Variants in CADPS observed in about 807,000 individuals in gnomAD.
The protein encoded by CADPS is calcium dependent secretion activator, also known as calcium-dependent secretion activator 1.
Under a neutral mutation model 167.3 loss-of-function variants are expected in CADPS, and 57 were observed. The ratio of observed to expected loss-of-function variants is 0.34; its 90% CI spans 0.28 to 0.42. CADPS has a LOEUF of 0.42. Ranked by LOEUF, CADPS falls within the 20% of genes least tolerant of loss-of-function variation. The pLI is 1.00. For missense variants in CADPS, 1,414 were observed against 1,738.1 expected (o/e 0.81, Z 3.32); for synonymous variants, 676 against 635.3 (o/e 1.06, Z -0.96).
At chr3:62,622,188 G>T (rs1180067274) in intron 6 of CADPS, among the ~76,000 whole-genome samples, 1 of 152,136 alleles carries the variant, frequency 6.6e-6, no homozygotes, top group Non-Finnish European at 1.5e-5. Context: ...TGTATGCTGA[G>T]TGGGCCCTCC....
At chr3:62,422,992 A>C (rs1163870582) in intron 28 of CADPS, among the ~76,000 whole-genome samples, 1 of 152,204 alleles carries the variant, frequency 6.6e-6, no homozygotes, top group Admixed American at 6.5e-5. Flanking sequence ...TAAACCACAA[A>C]ACTTTATTCT....
intron 8 of CADPS, among the ~76,000 whole-genome samples, chr3:62,575,988 G>T (rs190559877): frequency 6.6e-6 from 1 of 152,308 alleles, no homozygotes; most frequent in Admixed American, 6.5e-5. Context: ...TGTCTAGTCA[G>T]CTCCGGCTCT....
chr3:62,564,057 A>G (rs1357769477), intron 9 of CADPS, among the ~76,000 whole-genome samples: 7 of 152,070 alleles, frequency 4.6e-5, no homozygotes, highest in Non-Finnish European at 8.8e-5. Context: ...GCTGGAGTGC[A>G]GTGGCATGAT....
intron 6 of CADPS, among the ~76,000 whole-genome samples, chr3:62,605,754 T>A (rs191398870): frequency 6.6e-6 from 1 of 152,332 alleles, no homozygotes; most frequent in Non-Finnish European, 1.5e-5. Context: ...AGGAAATACG[T>A]CCTAGCCTGA....
intron 28 of CADPS, among the ~76,000 whole-genome samples, chr3:62,417,338 G>A (rs531452237): frequency 8.0e-6 from 1 of 125,544 alleles, no homozygotes; most frequent in African/African-American, 3.1e-5. Context: ...AGGGTGGAGT[G>A]CAGTGGTGCA....
intron 1 of CADPS, among the ~76,000 whole-genome samples, chr3:62,803,467 T>C (rs1049697474): frequency 6.6e-6 from 1 of 152,064 alleles, no homozygotes; most frequent in African/African-American, 2.4e-5. Context: ...GGGAGACTGC[T>C]ACTGGCATCT....
chr3:62,796,294 G>A (rs1265760675), intron 1 of CADPS: 2 of 152,190 alleles, frequency 1.3e-5, no homozygotes, highest in Non-Finnish European at 2.9e-5. Flanking sequence ...CCACATTGAT[G>A]CTGGATTCAG....
At chr3:62,784,868 G>A (rs1160869922) in intron 1 of CADPS, among the ~76,000 whole-genome samples, 3 of 152,094 alleles carry the variant, frequency 2.0e-5, no homozygotes, top group African/African-American at 7.2e-5. Context: ...ATTTGAATGA[G>A]TGAACTAGAA....
At chr3:62,400,494 T>C (rs1391519953) in intron 29 of CADPS, among the ~76,000 whole-genome samples, 1 of 152,104 alleles carries the variant, frequency 6.6e-6, no homozygotes, top group Non-Finnish European at 1.5e-5. Context: ...CAGCTACTGA[T>C]TCTGCTGTTT....
intron 18 of CADPS, 77 bp downstream of exon 18, chr3:62,499,085 A>G: frequency 1.2e-6 from 1 of 839,984 alleles, no homozygotes; most frequent in Non-Finnish European, 2.0e-6. Flanking sequence ...CATCTTATTC[A>G]CAATCTGGCT....
intron 1 of CADPS, among the ~76,000 whole-genome samples, chr3:62,800,222 G>T (rs902471169): frequency 6.6e-6 from 1 of 152,094 alleles, no homozygotes; most frequent in African/African-American, 2.4e-5. Context: ...TCATCTGCCA[G>T]CATTTAGGAA....
At chr3:62,406,784 A>G (rs1225168075) in intron 28 of CADPS, among the ~76,000 whole-genome samples, 5 of 152,222 alleles carry the variant, frequency 3.3e-5, no homozygotes, top group Admixed American at 3.3e-4. Flanking sequence ...CCCATCATAG[A>G]CAACAGGGCC....
In CADPS at chr3:62,601,157, A is replaced by T. The variant is rs2059908181; in HGVS notation, c.1326-8409T>A. Among the ~76,000 whole-genome samples, 1 of 152,234 alleles carries T rather than the reference A, an allele frequency of 6.6e-6. No individual in the cohort carries two copies. Among genetic ancestry groups the T allele is most frequent in the Non-Finnish European group, 1.5e-5 (1 of 68,048 alleles). On this transcript the variant is annotated intron_variant, in intron 6 of 29. Transcript: ENST00000383710. This position sits in a 1 kb window ranked among gnomAD's most constrained non-coding sequence, Gnocchi z 4.3. ...CTGCTTATGTATGGCTCATAAGCTA[A>T]TAAGGGCTTTGTATTTTCAAATGGC...
intron 3 of CADPS, among the ~76,000 whole-genome samples, chr3:62,666,551 G>A (rs2074442610): frequency 6.6e-6 from 1 of 152,126 alleles, no homozygotes; most frequent in Admixed American, 6.5e-5. Context: ...GTTCAAAAAT[G>A]TACATGCGCA....
intron 3 of CADPS, among the ~76,000 whole-genome samples, chr3:62,675,649 A>G (rs1455156604): frequency 6.6e-6 from 1 of 152,132 alleles, no homozygotes; most frequent in Non-Finnish European, 1.5e-5. Flanking sequence ...GGAAGTTCAA[A>G]TTAAGATGGC....
chr3:62,402,933 CA>C, intron 29 of CADPS, 147 bp downstream of exon 29: 1 of 498,834 alleles, frequency 2.0e-6, no homozygotes, highest in Admixed American at 3.7e-5. Flanking sequence ...TATCATGCAT[CA>C]CAAAACAATT....
intron 1 of CADPS, among the ~76,000 whole-genome samples, chr3:62,831,115 G>A (rs1275603714): frequency 6.6e-6 from 1 of 152,058 alleles, no homozygotes; most frequent in Non-Finnish European, 1.5e-5. Flanking sequence ...TTAAAGTCCT[G>A]GGAAGTCTTA....
rs187674612 is a variant in CADPS, at chr3:62,588,973, C to A, written c.1438-3649G>T. 4.3e-4 allele frequency among the ~76,000 whole-genome samples: 65 copies of A among 152,190 alleles called. 1 individual carries two copies. In the East Asian group the frequency reaches 7.4e-3, roughly 17 times the overall value. On this transcript the variant is annotated intron_variant, in intron 7 of 29. Transcript: ENST00000383710. Reference sequence around the variant, plus strand: ...GGGGAAGGATACCATAAATTGAAAACAAAATCTTTCTCTGGGAAGGGATAC... The same window carrying A: ...GGGGAAGGATACCATAAATTGAAAAAAAAATCTTTCTCTGGGAAGGGATAC...
In CADPS at chr3:62,550,012, C is replaced by T; in HGVS notation, c.1857G>A (p.Met619Ile). The T allele has an allele frequency of 2.5e-6, 4 of 1,614,092 alleles. No homozygotes were observed. Among genetic ancestry groups the T allele is most frequent in the Non-Finnish European group, 3.4e-6 (4 of 1,179,970 alleles). The stretch of plus-strand genomic sequence containing the variant: ...TGTGTGACTGCCCCGTGGCCCGATA[C>T]ATGGCCTGGACCCACAGGATGCGGT... Reference protein sequence around the residue: ...EQDRILWVQAMYRATGQSHKP... With the variant: ...EQDRILWVQAIYRATGQSHKP... The change falls in exon 11 of 30, where the codon ATG (methionine) becomes ATA (isoleucine). Residue 619 changes from methionine (M) to isoleucine (I), a missense_variant. By Grantham distance (10) the Met-to-Ile change is conservative. Around this residue, in one of 6 missense-constraint regions of CADPS, gnomAD observed 529 missense variants for 629.6 expected, o/e 0.84. Coordinates refer to ENST00000383710, the MANE Select transcript of CADPS (RefSeq NM_003716.4).
Sources: allele counts gnomAD v4.1 joint callset (sites outside exome capture counted in the v4.1 genomes callset), GRCh38; gene constraint gnomAD v4.1.1; regional missense constraint gnomAD v4.1.1; non-coding constraint Gnocchi (gnomAD v3.1); transcripts MANE v1.5; gene names NCBI Gene and HGNC (gene_info 2026-07-23, HGNC 2026-07-21).